CLIC1: variants seen among roughly 807,000 people sequenced by gnomAD.
CLIC1 encodes CLIC family member 1, also known as chloride intracellular channel protein 1.
A neutral mutation model predicts 26.4 loss-of-function variants in CLIC1; 16 were observed. The observed-to-expected ratio is 0.61, with a 90% CI of 0.41 to 0.92. CLIC1 has a LOEUF of 0.92. CLIC1 is among the 40% of genes least tolerant of loss of function. The probability of loss-of-function intolerance (pLI) is 0.00; values close to 1 mark genes in which losing one functional copy is unlikely to be tolerated. For synonymous variants in CLIC1, 98 were observed against 120.8 expected (o/e 0.81, Z 1.24); for missense variants, 225 against 289.7 (o/e 0.78, Z 1.62).
chr6:31,731,122 C>T, intron 5 of CLIC1, 119 bp from the exon 6 acceptor site: 1 of 752,332 alleles, frequency 1.3e-6, no homozygotes, highest in Non-Finnish European at 2.1e-6. Context: ...CTTGTACTGT[C>T]GTTAGCCTTC....
In CLIC1 at chr6:31,732,132, G is replaced by T; in HGVS notation, c.564+85C>A. ...CACCCTAAGAAAGAAATCGTCTTTAGAGTGGTTGTCAGGGGAAGCCCATGT... is the reference window on the plus strand; with the variant it reads ...CACCCTAAGAAAGAAATCGTCTTTATAGTGGTTGTCAGGGGAAGCCCATGT... On this transcript the variant is annotated intron_variant, in intron 5 of 5. Coordinates refer to ENST00000375784, the Ensembl canonical transcript of CLIC1. The surrounding 1 kb of genome is among the most constrained non-coding windows in gnomAD (Gnocchi z 5.0). The T allele has an allele frequency of 8.8e-7, 1 of 1,138,748 alleles. No individual in the cohort carries two copies. Among genetic ancestry groups the T allele is most frequent in the Non-Finnish European group, 1.2e-6 (1 of 848,192 alleles). 70.5% of individuals were successfully genotyped at this position (1,138,748 alleles called of 1,614,324 possible). A position where few individuals can be genotyped will look rare whatever the true frequency, so the allele number is the denominator to read the frequency against.
At position 31,733,974 on chromosome 6, in the gene CLIC1, T is replaced by C. The variant is rs1363044735; in HGVS notation, c.150-13A>G. 1 of 1,609,956 alleles carries C rather than the reference T, an allele frequency of 6.2e-7. No individual in the cohort carries two copies. Among genetic ancestry groups the C allele is most frequent in the South Asian group, 1.1e-5 (1 of 90,968 alleles). Reference sequence around the variant, plus strand: ...TGTCTCGGTCCGCCTGGAGAAAGGATCAGGAATCAGGACTGGAAATGGGGG... The same window carrying C: ...TGTCTCGGTCCGCCTGGAGAAAGGACCAGGAATCAGGACTGGAAATGGGGG... On this transcript the variant is annotated splice_polypyrimidine_tract_variant and intron_variant, in intron 2 of 5. Coordinates refer to ENST00000375784, the Ensembl canonical transcript of CLIC1. This position sits in a 1 kb window ranked among gnomAD's most constrained non-coding sequence, Gnocchi z 5.4.
chr6:31,730,752 T>G lies in CLIC1; in HGVS notation c.*90A>C. On this transcript the variant is annotated 3_prime_UTR_variant, in exon 6 of 6. Coordinates refer to ENST00000375784, the Ensembl canonical transcript of CLIC1. This position sits in a 1 kb window ranked among gnomAD's most constrained non-coding sequence, Gnocchi z 5.1. ...TCCAGGATTCCCTGCCCACTGGCCA[T>G]TTTGGAGTGTGTCCATTGGGTAGCA... 4.3e-6 allele frequency: 6 copies of G among 1,403,708 alleles called. No individual in the cohort carries two copies. Among genetic ancestry groups the G allele is most frequent in the South Asian group, 1.3e-5 (1 of 79,714 alleles). The allele number at this position is 1,403,708 out of a possible 1,614,324, so 87.0% of individuals were successfully genotyped here. A position where few individuals can be genotyped will look rare whatever the true frequency, so the allele number is the denominator to read the frequency against.
In CLIC1 at chr6:31,733,508, A is replaced by G; in HGVS notation, c.382+58T>C. On this transcript the variant is annotated intron_variant, in intron 4 of 5. Coordinates refer to ENST00000375784, the Ensembl canonical transcript of CLIC1. The surrounding 1 kb of genome is among the most constrained non-coding windows in gnomAD (Gnocchi z 5.4). ...CGTCCAGGTGCCCCTAATGTCTCCT[A>G]CCCGCTGGGTCCTCTCTATTCCTCC... 7.8e-7 allele frequency: 1 copy of G among 1,282,122 alleles called. No homozygotes were observed. The highest frequency in any genetic ancestry group is 1.1e-6 in the Non-Finnish European group (1 of 882,468). 79.4% of individuals were successfully genotyped at this position (1,282,122 alleles called of 1,614,324 possible).
At chr6:31,736,852 G>A (rs1583873919), upstream of CLIC1, 6 of 986,362 alleles carry the variant, frequency 6.1e-6, no homozygotes, top group Middle Eastern at 5.2e-4. The surrounding 1 kb of genome is among the most constrained non-coding windows in gnomAD (Gnocchi z 5.0). Context: ...AAAGGTGGTC[G>A]TTTAATCATT....
upstream of CLIC1, chr6:31,737,051 C>G: frequency 1.8e-6 from 1 of 549,260 alleles, no homozygotes; most frequent in Non-Finnish European, 2.3e-6. Flanking sequence ...CTGTGCCCCC[C>G]GCAGTCTACT....
rs3131383 is a variant in CLIC1 at position 31,736,517 on chromosome 6, G to T, written c.-217C>A. 0.11 allele frequency: 147,392 copies of T among 1,381,240 alleles called. 9,487 individuals are homozygous for T. Among genetic ancestry groups the T allele is most frequent in the Non-Finnish European group, 0.12 (132,766 of 1,067,064 alleles). 85.6% of individuals were successfully genotyped at this position (1,381,240 alleles called of 1,614,324 possible). A position where few individuals can be genotyped will look rare whatever the true frequency, so the allele number is the denominator to read the frequency against. ...AGCTCCTCCAGCTCGGTCCTCTCCC[G>T]GGCTGGATCAGAGAGCCGCTGACTC... On this transcript the variant is annotated 5_prime_UTR_variant, in exon 1 of 6. Coordinates refer to ENST00000375784, the Ensembl canonical transcript of CLIC1. This position sits in a 1 kb window ranked among gnomAD's most constrained non-coding sequence, Gnocchi z 5.0.
Position 31,733,916 on chromosome 6 carries a change from T to A in CLIC1, c.195A>T (p.Pro65=). Reference sequence around the variant, plus strand: ...GCACTTCAGTGCCATACAGCAGGAATGGGAGCTGCCCCCCTGGGCACAGCT... The same window carrying A: ...GCACTTCAGTGCCATACAGCAGGAAAGGGAGCTGCCCCCCTGGGCACAGCT... The change falls in exon 3 of 6, where the codon CCA becomes CCT. Residue 65 remains proline (P), a synonymous_variant. Coordinates refer to ENST00000375784, the Ensembl canonical transcript of CLIC1. The surrounding 1 kb of genome is among the most constrained non-coding windows in gnomAD (Gnocchi z 5.4). 1 of 1,613,866 alleles carries A rather than the reference T, an allele frequency of 6.2e-7. No homozygotes were observed. Among genetic ancestry groups the A allele is most frequent in the Non-Finnish European group, 8.5e-7 (1 of 1,179,988 alleles).
In CLIC1 at chr6:31,736,545, C is replaced by G; in HGVS notation, c.-245G>C. 1.5e-6 allele frequency: 2 copies of G among 1,356,836 alleles called. No homozygotes were observed. Among genetic ancestry groups the G allele is most frequent in the Non-Finnish European group, 1.9e-6 (2 of 1,053,234 alleles). 84.0% of individuals were successfully genotyped at this position (1,356,836 alleles called of 1,614,324 possible). On this transcript the variant is annotated 5_prime_UTR_variant, in exon 1 of 6. Coordinates refer to ENST00000375784, the Ensembl canonical transcript of CLIC1. This position sits in a 1 kb window ranked among gnomAD's most constrained non-coding sequence, Gnocchi z 5.0. ...CTGGATCAGAGAGCCGCTGACTCAC[C>G]GACCGGCCCCGCCCTGAACCTGGGG...
Position 31,733,558 on chromosome 6 carries a change from A to G in CLIC1, c.382+8T>C. On this transcript the variant is annotated splice_region_variant and intron_variant, in intron 4 of 5. Coordinates refer to ENST00000375784, the Ensembl canonical transcript of CLIC1. This position sits in a 1 kb window ranked among gnomAD's most constrained non-coding sequence, Gnocchi z 5.4. ...CCAGGACCCAGGCCTCTGACCCACA[A>G]GACTCACTGTCATTGAGTGCTGGGT... 1 of 1,606,640 alleles carries G rather than the reference A, an allele frequency of 6.2e-7. No homozygotes were observed. Among genetic ancestry groups the G allele is most frequent in the Non-Finnish European group, 8.5e-7 (1 of 1,174,596 alleles).
Position 31,734,163 on chromosome 6 carries a change from T to C in CLIC1, c.140A>G (p.Asp47Gly). Reference sequence around the variant, plus strand: ...ACATAAGCAGGCCTACCTTTTGGTGTCAACGGTGGTAACATTGAAGGTGAC... The same window carrying C: ...ACATAAGCAGGCCTACCTTTTGGTGCCAACGGTGGTAACATTGAAGGTGAC... Residue 47 changes from aspartate (D) to glycine (G), a missense_variant, in exon 2 of 6, where the codon GAC becomes GGC. Asp to Gly is a moderately conservative substitution (Grantham distance 94). Coordinates refer to ENST00000375784, the Ensembl canonical transcript of CLIC1. This position sits in a 1 kb window ranked among gnomAD's most constrained non-coding sequence, Gnocchi z 5.3. 3.1e-6 allele frequency: 5 copies of C among 1,613,612 alleles called. No individual in the cohort carries two copies. Among genetic ancestry groups the C allele is most frequent in the Non-Finnish European group, 4.2e-6 (5 of 1,179,518 alleles).
rs924120648 is a variant in CLIC1, at chr6:31,734,167, C to T, written c.136G>A (p.Val46Ile). 7 of 1,612,842 alleles carry T rather than the reference C, an allele frequency of 4.3e-6. No homozygotes were observed. The highest frequency in any genetic ancestry group is 4.0e-5 in the African/African-American group (3 of 74,904). Residue 46 changes from valine (V) to isoleucine (I), a missense_variant, in exon 2 of 6, where the codon GTT becomes ATT. Physicochemically the swap from Val to Ile is conservative, Grantham distance 29. Coordinates refer to ENST00000375784, the Ensembl canonical transcript of CLIC1. This position sits in a 1 kb window ranked among gnomAD's most constrained non-coding sequence, Gnocchi z 5.3. ...AAGCAGGCCTACCTTTTGGTGTCAA[C>T]GGTGGTAACATTGAAGGTGACTCCC... is the stretch of plus-strand genomic sequence containing the variant.
chr6:31,732,082 G>T lies in CLIC1; in HGVS notation c.564+135C>A. The T allele has an allele frequency of 1.7e-6, 1 of 591,560 alleles. No individual in the cohort carries two copies. The highest frequency in any genetic ancestry group is 2.7e-6 in the Non-Finnish European group (1 of 367,466). The allele number at this position is 591,560 out of a possible 1,614,324, so 36.6% of individuals were successfully genotyped here. Reference sequence around the variant, plus strand: ...GCTGCAAAGGACTGGGGTGGGGTCTGCCATTGGTAGCAATTTATGAAAACC... The same window carrying T: ...GCTGCAAAGGACTGGGGTGGGGTCTTCCATTGGTAGCAATTTATGAAAACC... On this transcript the variant is annotated intron_variant, in intron 5 of 5. Coordinates refer to ENST00000375784, the Ensembl canonical transcript of CLIC1. This position sits in a 1 kb window ranked among gnomAD's most constrained non-coding sequence, Gnocchi z 5.0.
At position 31,736,193 on chromosome 6, in the gene CLIC1, G is replaced by C; in HGVS notation, c.39+69C>G. ...GGAGGGAAGGGATTGGGGAGTTAAG[G>C]CTGGACCGGGGGAAAGGTGAGAGTT... On this transcript the variant is annotated intron_variant, in intron 1 of 5. Transcript: ENST00000375784. This position sits in a 1 kb window ranked among gnomAD's most constrained non-coding sequence, Gnocchi z 5.0. 1.3e-6 allele frequency: 2 copies of C among 1,540,242 alleles called. No homozygotes were observed. The highest frequency in any genetic ancestry group is 2.2e-5 in the South Asian group (2 of 89,448).
rs998470324 is a variant in CLIC1, at chr6:31,730,761, G to C, written c.*81C>G. 16 of 1,459,250 alleles carry C rather than the reference G, an allele frequency of 1.1e-5. No individual in the cohort carries two copies. The highest frequency in any genetic ancestry group is 2.0e-4 in the Middle Eastern group (1 of 5,066). 90.4% of individuals were successfully genotyped at this position (1,459,250 alleles called of 1,614,324 possible). ...CCCTGCCCACTGGCCATTTTGGAGT[G>C]TGTCCATTGGGTAGCAATGTGGAAA... On this transcript the variant is annotated 3_prime_UTR_variant, in exon 6 of 6. Coordinates refer to ENST00000375784, the Ensembl canonical transcript of CLIC1. The surrounding 1 kb of genome is among the most constrained non-coding windows in gnomAD (Gnocchi z 5.1).
In CLIC1 at chr6:31,730,767, A is replaced by C. The variant is rs3237; in HGVS notation, c.*75T>G. The stretch of plus-strand genomic sequence containing the variant: ...CCACTGGCCATTTTGGAGTGTGTCC[A>C]TTGGGTAGCAATGTGGAAACCACCA... On this transcript the variant is annotated 3_prime_UTR_variant, in exon 6 of 6. Coordinates refer to ENST00000375784, the Ensembl canonical transcript of CLIC1. This position sits in a 1 kb window ranked among gnomAD's most constrained non-coding sequence, Gnocchi z 5.1. 2 of 1,520,780 alleles carry C rather than the reference A, an allele frequency of 1.3e-6. No individual in the cohort carries two copies. The highest frequency in any genetic ancestry group is 2.3e-5 in the South Asian group (2 of 85,314). 94.2% of individuals were successfully genotyped at this position (1,520,780 alleles called of 1,614,324 possible).
At position 31,736,359 on chromosome 6, in the gene CLIC1, G is replaced by T; in HGVS notation, c.-59C>A. 2 of 1,611,274 alleles carry T rather than the reference G, an allele frequency of 1.2e-6. No individual in the cohort carries two copies. Among genetic ancestry groups the T allele is most frequent in the South Asian group, 1.1e-5 (1 of 90,970 alleles). On this transcript the variant is annotated 5_prime_UTR_variant, in exon 1 of 6. Coordinates refer to ENST00000375784, the Ensembl canonical transcript of CLIC1. This position sits in a 1 kb window ranked among gnomAD's most constrained non-coding sequence, Gnocchi z 5.0. ...GGGGGAACTGGGAGGGGCTGGGACC[G>T]GGGAAGGCGGGTCTCACACTCAGGG...
Position 31,733,596 on chromosome 6 carries a change from T to C in CLIC1, c.352A>G (p.Ile118Val). 6.2e-7 allele frequency: 1 copy of C among 1,612,968 alleles called. No individual in the cohort carries two copies. Among genetic ancestry groups the C allele is most frequent in the Non-Finnish European group, 8.5e-7 (1 of 1,179,996 alleles). The change falls in exon 4 of 6, where the codon ATC becomes GTC. Residue 118 changes from isoleucine (I) to valine (V), a missense_variant. Ile to Val is a conservative substitution (Grantham distance 29, BLOSUM62 3). Coordinates refer to ENST00000375784, the Ensembl canonical transcript of CLIC1. The surrounding 1 kb of genome is among the most constrained non-coding windows in gnomAD (Gnocchi z 5.4). ...TTGAGTGCTGGGTTTGAATTCTTGA[T>C]GTAGGCAGAAAATTTGGCAAATATG...
chr6:31,736,863 CT>C (rs1808364445), upstream of CLIC1: 1 of 986,042 alleles, frequency 1.0e-6, no homozygotes, highest in Non-Finnish European at 1.2e-6. This position sits in a 1 kb window ranked among gnomAD's most constrained non-coding sequence, Gnocchi z 5.0. Flanking sequence ...TTTAATCATT[CT>C]GCATTTCTTC....
Sources: gnomAD v4.1 joint callset for allele counts on GRCh38, gnomAD v4.1.1 for gene constraint, Gnocchi (gnomAD v3.1) non-coding constraint, MANE v1.5 for transcripts, NCBI Gene and HGNC (gene_info 2026-07-23, HGNC 2026-07-21) for gene names.